The following STPG2 variants were observed in gnomAD, a reference collection of about 807,000 sequenced individuals.
STPG2 encodes the protein sperm tail PG-rich repeat containing 2, also known as sperm-tail PG-rich repeat-containing protein 2.
In STPG2, 56 loss-of-function variants were observed where a neutral mutation model predicts 54.2. The observed-to-expected ratio is 1.03, with a 90% CI of 0.83 to 1.29. The LOEUF is 1.29. Among genes scored for constraint, STPG2 ranks in the 50% most tolerant of loss-of-function variants. The probability of loss-of-function intolerance (pLI) is 0.00; values close to 1 mark genes in which losing one functional copy is unlikely to be tolerated. For missense variants in STPG2, 596 were observed against 544.9 expected, an observed-to-expected ratio of 1.09 and a Z score of -0.93; for synonymous variants, 200 against 181.8, an observed-to-expected ratio of 1.10 and a Z score of -0.81.
intron 9 of STPG2, among the ~76,000 whole-genome samples, chr4:97,819,880 T>C (rs532262300): frequency 2.6e-5 from 4 of 152,244 alleles, no homozygotes; most frequent in Admixed American, 2.6e-4. Context: ...TTAGTAAGCC[T>C]AAGGCTGTTA....
At chr4:97,540,800 G>T (rs1211130201) in intron 4 of STPG2, among the ~76,000 whole-genome samples, 1 of 152,022 alleles carries the variant, frequency 6.6e-6, no homozygotes, top group African/African-American at 2.4e-5. Flanking sequence ...TCCTGGGATG[G>T]AAGGCTGGTT....
intron 5 of STPG2, among the ~76,000 whole-genome samples, chr4:98,012,184 C>A (rs1318414057): frequency 6.6e-6 from 1 of 152,142 alleles, no homozygotes; most frequent in African/African-American, 2.4e-5. Context: ...CCAGTTTTCC[C>A]AGCACCACTT....
At chr4:97,816,664 A>G (rs1727920963) in intron 9 of STPG2, among the ~76,000 whole-genome samples, 1 of 152,046 alleles carries the variant, frequency 6.6e-6, no homozygotes, top group South Asian at 2.1e-4. Flanking sequence ...CCTAAATAGA[A>G]CAAAAAGGCA....
chr4:98,014,328 T>G (rs62318503), intron 5 of STPG2, among the ~76,000 whole-genome samples: 1 of 151,882 alleles, frequency 6.6e-6, no homozygotes, highest in Admixed American at 6.6e-5. Context: ...CACTGTGGTC[T>G]GAGAGACTAT....
chr4:98,085,005 C>T (rs75988307), intron 5 of STPG2, among the ~76,000 whole-genome samples: 1,797 of 151,854 alleles, frequency 0.012, 29 homozygotes, highest in African/African-American at 0.041. Flanking sequence ...CTTTTTGTAC[C>T]CTATCTAAAT....
intron 5 of STPG2, among the ~76,000 whole-genome samples, chr4:98,071,597 C>A (rs543960193): frequency 1.3e-5 from 2 of 152,162 alleles, no homozygotes; most frequent in East Asian, 3.9e-4. Context: ...TTCTGCACAG[C>A]AAAGGAAACT....
At chr4:97,825,197 G>T (rs1441109358) in intron 9 of STPG2, among the ~76,000 whole-genome samples, 1 of 152,070 alleles carries the variant, frequency 6.6e-6, no homozygotes, top group Non-Finnish European at 1.5e-5. Flanking sequence ...ATTAGAAGTG[G>T]ATAAGAGCCC....
intron 8 of STPG2, among the ~76,000 whole-genome samples, chr4:97,893,820 T>C (rs1046698275): frequency 5.9e-5 from 9 of 151,920 alleles, no homozygotes; most frequent in Admixed American, 3.9e-4. Flanking sequence ...AAAGAATGGA[T>C]GTTGAGGGAG....
At chr4:97,965,754 A>G (rs964276935) in intron 7 of STPG2, among the ~76,000 whole-genome samples, 3 of 152,234 alleles carry the variant, frequency 2.0e-5, no homozygotes, top group Non-Finnish European at 2.9e-5. Context: ...GCAAACTCCA[A>G]CAGACCTGCA....
intron 7 of STPG2, among the ~76,000 whole-genome samples, chr4:97,966,251 G>T (rs1376606796): frequency 6.6e-6 from 1 of 152,132 alleles, no homozygotes; most frequent in Non-Finnish European, 1.5e-5. Flanking sequence ...AGCTTCAATA[G>T]CTGATTCAAT....
At chr4:97,875,096 T>G (rs1730127129) in intron 8 of STPG2, among the ~76,000 whole-genome samples, 1 of 151,988 alleles carries the variant, frequency 6.6e-6, no homozygotes, top group Non-Finnish European at 1.5e-5. Flanking sequence ...AATGAACATT[T>G]AGATTGTTTC....
chr4:97,887,401 C>A (rs958722749), intron 8 of STPG2, among the ~76,000 whole-genome samples: 1 of 152,128 alleles, frequency 6.6e-6, no homozygotes, highest in Non-Finnish European at 1.5e-5. Flanking sequence ...ACTGGAGTAA[C>A]AATCACTTTC....
At chr4:98,027,185 G>A (rs753318305) in intron 5 of STPG2, among the ~76,000 whole-genome samples, 46 of 152,246 alleles carry the variant, frequency 3.0e-4, no homozygotes, top group Middle Eastern at 3.4e-3. Flanking sequence ...AAATTTAGTA[G>A]CTTAAAATAA....
rs147059108 is a variant in STPG2 at position 98,047,827 on chromosome 4, A to T, written c.612+58126T>A. Among the ~76,000 whole-genome samples the T allele has an allele frequency of 7.9e-5, 12 of 152,324 alleles. No individual in the cohort carries two copies. In the East Asian group the frequency reaches 2.3e-3, roughly 29 times the overall value. ...TATAATATTCTTCATATTTTTCTGC[A>T]TTGCAAACTTTTCAAGAATTTATTC... On this transcript the variant is annotated intron_variant, in intron 5 of 10. Coordinates refer to ENST00000295268, the MANE Select transcript of STPG2 (RefSeq NM_174952.3).
chr4:97,673,319 T>A (rs1165501394), intron 10 of STPG2, among the ~76,000 whole-genome samples: 1 of 152,172 alleles, frequency 6.6e-6, no homozygotes, highest in Non-Finnish European at 1.5e-5. Context: ...TATTTATGGG[T>A]TCATGGTAAC....
chr4:98,141,213 A>T (rs1426478513), intron 1 of STPG2, among the ~76,000 whole-genome samples: 1 of 152,208 alleles, frequency 6.6e-6, no homozygotes, highest in Non-Finnish European at 1.5e-5. Flanking sequence ...AAGGAAAAAA[A>T]ATCAAAATGT....
At chr4:97,847,941 C>A (rs1475969889) in intron 8 of STPG2, among the ~76,000 whole-genome samples, 1 of 152,170 alleles carries the variant, frequency 6.6e-6, no homozygotes, top group Admixed American at 6.5e-5. Context: ...GGCATGAGCT[C>A]CAAAATACTT....
At chr4:97,475,434 G>T (rs1730046651) in intron 4 of STPG2, among the ~76,000 whole-genome samples, 1 of 149,660 alleles carries the variant, frequency 6.7e-6, no homozygotes, top group Non-Finnish European at 1.5e-5. Flanking sequence ...TTATCAAAAA[G>T]TTTTCACTTA....
intron 5 of STPG2, among the ~76,000 whole-genome samples, chr4:98,065,224 A>C (rs982611425): frequency 2.6e-5 from 4 of 152,206 alleles, no homozygotes; most frequent in African/African-American, 9.7e-5. Flanking sequence ...TTTCTATTCA[A>C]GGCAACAAAA....
Sources: allele counts gnomAD v4.1 joint callset (sites outside exome capture counted in the v4.1 genomes callset), GRCh38; gene constraint gnomAD v4.1.1; transcripts MANE v1.5; gene names NCBI Gene and HGNC (gene_info 2026-07-23, HGNC 2026-07-21).